Variants in MAGI2 observed in about 807,000 individuals in gnomAD.
MAGI2 encodes the protein membrane associated guanylate kinase, WW and PDZ domain containing 2.
MAGI2 carries 35 observed loss-of-function variants against 133.3 expected under a neutral mutation model. The observed-to-expected ratio is 0.26, with a 90% CI of 0.20 to 0.35. The LOEUF is 0.35. Among genes scored for constraint, MAGI2 ranks in the 10% least tolerant of loss-of-function variants. The pLI is 1.00. For synonymous variants in MAGI2, 729 were observed against 710.6 expected, an observed-to-expected ratio of 1.03 and a Z score of -0.41; for missense variants, 1,636 against 1,863.4, an observed-to-expected ratio of 0.88 and a Z score of 2.25.
intron 9 of MAGI2, among the ~76,000 whole-genome samples, chr7:78,305,162 A>G (rs920781601): frequency 6.6e-6 from 1 of 152,088 alleles, no homozygotes; most frequent in African/African-American, 2.4e-5. Flanking sequence ...ACTATTCGGA[A>G]CCCCTTAACA....
chr7:78,573,257 A>AAAATATATATAT (rs1179777593), intron 3 of MAGI2, among the ~76,000 whole-genome samples: 5 of 21,968 alleles, frequency 2.3e-4, no homozygotes, highest in Admixed American at 9.0e-4. Context: ...AATATATATA[A>AAAATATATATAT]ATATAAATAT....
At chr7:78,752,725 C>A (rs1315757191) in intron 2 of MAGI2, among the ~76,000 whole-genome samples, 1 of 152,200 alleles carries the variant, frequency 6.6e-6, no homozygotes, top group African/African-American at 2.4e-5. Context: ...CTTCTAACAA[C>A]ATCAAGGCCC....
At chr7:78,814,077 T>C (rs1789339133) in intron 2 of MAGI2, among the ~76,000 whole-genome samples, 2 of 152,118 alleles carry the variant, frequency 1.3e-5, no homozygotes. Flanking sequence ...ATTGTCTTTA[T>C]AAAAATATTA....
At chr7:79,344,894 G>A (rs543773263) in intron 1 of MAGI2, among the ~76,000 whole-genome samples, 14 of 152,160 alleles carry the variant, frequency 9.2e-5, no homozygotes, top group East Asian at 5.8e-4. Flanking sequence ...CAATAGTAGC[G>A]CTTGGGTACT....
chr7:78,701,989 T>G (rs1038015655), intron 2 of MAGI2, among the ~76,000 whole-genome samples: 1 of 151,990 alleles, frequency 6.6e-6, no homozygotes, highest in African/African-American at 2.4e-5. Context: ...TGATGAATTC[T>G]CATAATTCTA....
chr7:79,198,030 T>C (rs867029106), intron 1 of MAGI2, among the ~76,000 whole-genome samples: 1 of 151,842 alleles, frequency 6.6e-6, no homozygotes, highest in Non-Finnish European at 1.5e-5. Context: ...GAGGATCACT[T>C]GAGGCCAGGA....
chr7:78,611,721 A>G (rs982101895), intron 3 of MAGI2, among the ~76,000 whole-genome samples: 1 of 152,204 alleles, frequency 6.6e-6, no homozygotes, highest in Non-Finnish European at 1.5e-5. Context: ...CCATTAGACA[A>G]TCACTCACCT....
chr7:78,977,590 A>C (rs953679780), intron 2 of MAGI2, among the ~76,000 whole-genome samples: 3 of 151,792 alleles, frequency 2.0e-5, no homozygotes, highest in African/African-American at 7.2e-5. Context: ...AAAAACTATA[A>C]AATTTATTGA....
At chr7:78,887,901 G>A (rs967003646) in intron 2 of MAGI2, among the ~76,000 whole-genome samples, 7 of 152,158 alleles carry the variant, frequency 4.6e-5, no homozygotes, top group African/African-American at 4.8e-5. Flanking sequence ...TGGGTGCAGC[G>A]CACCGAGCAT....
rs556137573 is a variant in MAGI2 at position 78,290,000 on chromosome 7, G to C, written c.1409-33419C>G. 1.7e-3 allele frequency among the ~76,000 whole-genome samples: 259 copies of C among 152,230 alleles called. 2 individuals carry two copies. Among genetic ancestry groups the C allele is most frequent in the African/African-American group, 5.8e-3 (242 of 41,524 alleles). On this transcript the variant is annotated intron_variant, in intron 9 of 21. Transcript: ENST00000354212. ...CAACCGGTACCAGCCACTGCAAAAA[G>C]ATGGAAATTGTAAAGACCATTGACA...
At chr7:79,390,935 G>T (rs373258617) in intron 1 of MAGI2, among the ~76,000 whole-genome samples, 127 of 152,156 alleles carry the variant, frequency 8.3e-4, no homozygotes, top group African/African-American at 2.9e-3. Flanking sequence ...CTGTGTAGAG[G>T]CTCATGGCCC....
intron 2 of MAGI2, among the ~76,000 whole-genome samples, chr7:78,691,902 CT>C (rs1419994391): frequency 2.0e-5 from 3 of 152,092 alleles, no homozygotes; most frequent in African/African-American, 4.8e-5. Context: ...TTACTATGGA[CT>C]TTAAGTGATA....
At chr7:78,446,524 G>A (rs899890792) in intron 6 of MAGI2, among the ~76,000 whole-genome samples, 3 of 151,964 alleles carry the variant, frequency 2.0e-5, no homozygotes, top group East Asian at 1.9e-4. Flanking sequence ...ACAGCAAAAT[G>A]GATACATCAT....
At position 78,256,546 on chromosome 7, in the gene MAGI2, G is replaced by C; in HGVS notation, c.1444C>G (p.Leu482Val). 1 of 1,613,396 alleles carries C rather than the reference G, an allele frequency of 6.2e-7. No homozygotes were observed. Among genetic ancestry groups the C allele is most frequent in the Non-Finnish European group, 8.5e-7 (1 of 1,179,782 alleles). Residue 482 changes from leucine (L) to valine (V), a missense_variant, in exon 10 of 22, where the codon CTT becomes GTT. By Grantham distance (32) the Leu-to-Val change is conservative. Around this residue, in one of 5 missense-constraint regions of MAGI2, gnomAD observed 920 missense variants for 1,093.5 expected, o/e 0.84. Coordinates refer to ENST00000354212, the MANE Select transcript of MAGI2 (RefSeq NM_012301.4). ...ACAACATCTGCATGAGTGTGTCCAA[G>C]GACACAAACTTCATTAATATAGACA... is the stretch of plus-strand genomic sequence containing the variant. ...VIVYINEVCV[L>V]GHTHADVVKL...
At chr7:78,659,424 C>CAAAA (rs71085553) in intron 2 of MAGI2, among the ~76,000 whole-genome samples, 4 of 23,674 alleles carry the variant, frequency 1.7e-4, no homozygotes, top group African/African-American at 3.6e-4. Context: ...GACTTCATCT[C>CAAAA]AAAAAAAAAA....
chr7:78,679,118 T>C (rs554885726), intron 2 of MAGI2, among the ~76,000 whole-genome samples: 9 of 152,270 alleles, frequency 5.9e-5, no homozygotes, highest in Non-Finnish European at 1.3e-4. Context: ...ACCCATGAAA[T>C]ACTATGAAAT....
intron 3 of MAGI2, among the ~76,000 whole-genome samples, chr7:78,540,846 C>T (rs1285176375): frequency 1.3e-5 from 2 of 152,212 alleles, no homozygotes; most frequent in Non-Finnish European, 2.9e-5. Flanking sequence ...AGTAAGGTTA[C>T]ACCCTTCTCC....
chr7:78,047,025 G>A (rs967440525), intron 21 of MAGI2, among the ~76,000 whole-genome samples: 1 of 151,948 alleles, frequency 6.6e-6, no homozygotes, highest in African/African-American at 2.4e-5. Context: ...TAAATAACTA[G>A]GTAATTCCTT....
At chr7:79,301,698 A>G (rs767862956) in intron 1 of MAGI2, among the ~76,000 whole-genome samples, 8 of 152,184 alleles carry the variant, frequency 5.3e-5, no homozygotes, top group Admixed American at 1.3e-4. Context: ...TTTGCAAGTG[A>G]AAAGGACATA....
Sources: gnomAD v4.1 joint callset for allele counts (sites outside exome capture counted in the v4.1 genomes callset) on GRCh38, gnomAD v4.1.1 for gene constraint, gnomAD v4.1.1 regional missense constraint, MANE v1.5 for transcripts, NCBI Gene and HGNC (gene_info 2026-07-23, HGNC 2026-07-21) for gene names.